PDE7B: variants seen among roughly 807,000 people sequenced by gnomAD.
PDE7B encodes phosphodiesterase 7B.
A neutral mutation model predicts 56.2 loss-of-function variants in PDE7B; 29 were observed. The observed-to-expected ratio is 0.52, with a 90% CI of 0.38 to 0.70. The LOEUF (loss-of-function observed/expected upper bound fraction) is 0.70. Ranked by LOEUF, PDE7B falls within the 30% of genes least tolerant of loss-of-function variation. The probability of loss-of-function intolerance (pLI) is 0.00; values close to 1 mark genes in which losing one functional copy is unlikely to be tolerated. For synonymous variants in PDE7B, 197 were observed against 196.9 expected (o/e 1.00, Z 0.00); for missense variants, 490 against 565.0 (o/e 0.87, Z 1.35).
chr6:135,931,102 T>C (rs1774284574), intron 1 of PDE7B, among the ~76,000 whole-genome samples: 4 of 152,194 alleles, frequency 2.6e-5, no homozygotes, highest in South Asian at 4.1e-4. Context: ...TTTGCTTTCC[T>C]TTTTAGAAAG....
chr6:136,108,663 T>G (rs1406009550), intron 2 of PDE7B, 68 bp from the exon 3 acceptor site: 7 of 1,035,524 alleles, frequency 6.8e-6, no homozygotes, highest in Non-Finnish European at 1.1e-5. Context: ...TCATTGAGGA[T>G]TTACAGGGGA....
chr6:136,032,265 A>G (rs1429863561), intron 2 of PDE7B, among the ~76,000 whole-genome samples: 1 of 152,216 alleles, frequency 6.6e-6, no homozygotes, highest in African/African-American at 2.4e-5. Context: ...TGCACAGCTC[A>G]TGAACATCAA....
At position 135,944,128 on chromosome 6, in the gene PDE7B, T is replaced by G. The variant is rs1774553420; in HGVS notation, c.22-3336T>G. On this transcript the variant is annotated intron_variant, in intron 1 of 12. Transcript: ENST00000308191. ...CTGGTGAGCAGCACCAGGTACAAAGTCAGGGTCACCTGGCAGCAGGGTGCT... is the reference window on the plus strand; with the variant it reads ...CTGGTGAGCAGCACCAGGTACAAAGGCAGGGTCACCTGGCAGCAGGGTGCT... Among the ~76,000 whole-genome samples the G allele has an allele frequency of 2.0e-5, 3 of 152,110 alleles. No homozygotes were observed. In the South Asian group the frequency reaches 6.2e-4, roughly 32 times the overall value.
chr6:136,054,327 C>T (rs1421925661), intron 2 of PDE7B, among the ~76,000 whole-genome samples: 1 of 152,114 alleles, frequency 6.6e-6, no homozygotes, highest in African/African-American at 2.4e-5. Flanking sequence ...TTCCCCATTT[C>T]TTGTTTTTGT....
At chr6:136,116,691 C>T (rs1056326323) in intron 3 of PDE7B, among the ~76,000 whole-genome samples, 2 of 152,114 alleles carry the variant, frequency 1.3e-5, no homozygotes, top group African/African-American at 2.4e-5. Context: ...GCAGGAGAAT[C>T]GAGTGGAAAT....
At chr6:135,925,205 C>G (rs1774162686) in intron 1 of PDE7B, among the ~76,000 whole-genome samples, 1 of 152,068 alleles carries the variant, frequency 6.6e-6, no homozygotes, top group Admixed American at 6.5e-5. Context: ...TGTTCCCTAA[C>G]TGCCAAGGGT....
At chr6:135,855,425 C>A (rs189863591) in intron 1 of PDE7B, among the ~76,000 whole-genome samples, 3 of 151,974 alleles carry the variant, frequency 2.0e-5, no homozygotes, top group African/African-American at 7.2e-5. Flanking sequence ...GAGAAGGAGG[C>A]AGTGATGGAA....
intron 1 of PDE7B, among the ~76,000 whole-genome samples, chr6:135,913,123 C>T (rs1562436566): frequency 6.6e-6 from 1 of 152,278 alleles, no homozygotes; most frequent in South Asian, 2.1e-4. Flanking sequence ...ATAAGAACTT[C>T]ACATAATTAT....
chr6:136,133,211 AC>A (rs1778148402), intron 3 of PDE7B, among the ~76,000 whole-genome samples: 1 of 151,674 alleles, frequency 6.6e-6, no homozygotes, highest in African/African-American at 2.4e-5. Flanking sequence ...GTGCACATGT[AC>A]CCTAAAACTT....
intron 1 of PDE7B, among the ~76,000 whole-genome samples, chr6:135,932,550 T>TA (rs1281395675): frequency 8.5e-5 from 13 of 152,172 alleles, no homozygotes; most frequent in African/African-American, 3.1e-4. Context: ...ATTGAAGTTT[T>TA]AAAAAATGGA....
intron 2 of PDE7B, among the ~76,000 whole-genome samples, chr6:136,077,852 T>C (rs955313764): frequency 6.6e-6 from 1 of 152,204 alleles, no homozygotes; most frequent in Non-Finnish European, 1.5e-5. Context: ...AATGTGAATA[T>C]GTTTGGAAGC....
chr6:135,947,978 C>T (rs1023298971), intron 2 of PDE7B, among the ~76,000 whole-genome samples: 7 of 152,120 alleles, frequency 4.6e-5, no homozygotes, highest in East Asian at 1.9e-4. Flanking sequence ...CAACTATTAT[C>T]GACACAGCAT....
chr6:135,871,181 T>C (rs1583721907), intron 1 of PDE7B, among the ~76,000 whole-genome samples: 1 of 152,236 alleles, frequency 6.6e-6, no homozygotes, highest in South Asian at 2.1e-4. Flanking sequence ...TGGCCCCTAA[T>C]GATAGATCAA....
chr6:136,061,983 G>A (rs773295957), intron 2 of PDE7B, among the ~76,000 whole-genome samples: 7 of 152,186 alleles, frequency 4.6e-5, no homozygotes, highest in South Asian at 2.1e-4. Flanking sequence ...TGGAGCGTGC[G>A]ATCTAGGGAT....
chr6:135,925,590 AC>A (rs1440416506), intron 1 of PDE7B, among the ~76,000 whole-genome samples: 1 of 151,944 alleles, frequency 6.6e-6, no homozygotes, highest in Admixed American at 6.6e-5. Flanking sequence ...GCCACAAAAC[AC>A]CCAAGGGACT....
At chr6:136,070,814 C>CA (rs1014456943) in intron 2 of PDE7B, among the ~76,000 whole-genome samples, 3 of 152,034 alleles carry the variant, frequency 2.0e-5, no homozygotes, top group Non-Finnish European at 4.4e-5. Flanking sequence ...AGATTTGAAT[C>CA]AAAAAAATCT....
chr6:136,006,068 A>G (rs1775775619), intron 2 of PDE7B, among the ~76,000 whole-genome samples: 1 of 151,816 alleles, frequency 6.6e-6, no homozygotes, highest in Admixed American at 6.6e-5. Flanking sequence ...ACATGGATGA[A>G]ATTGGAAATC....
At chr6:135,941,386 A>T (rs1303914314) in intron 1 of PDE7B, among the ~76,000 whole-genome samples, 1 of 152,210 alleles carries the variant, frequency 6.6e-6, no homozygotes, top group Admixed American at 6.5e-5. Context: ...AATAGCATTC[A>T]GTGTTTAGTT....
At chr6:136,109,586 C>A (rs1777709682) in intron 3 of PDE7B, among the ~76,000 whole-genome samples, 1 of 152,156 alleles carries the variant, frequency 6.6e-6, no homozygotes, top group Admixed American at 6.5e-5. Flanking sequence ...AACTCTTCAC[C>A]AGGGCAAAAT....
Sources: gnomAD v4.1 joint callset for allele counts (sites outside exome capture counted in the v4.1 genomes callset) on GRCh38, gnomAD v4.1.1 for gene constraint, MANE v1.5 for transcripts, NCBI Gene and HGNC (gene_info 2026-07-23, HGNC 2026-07-21) for gene names.